DLG2: variants seen among roughly 807,000 people sequenced by gnomAD.
DLG2 encodes the protein discs large MAGUK scaffold protein 2.
A neutral mutation model predicts 132.5 loss-of-function variants in DLG2; 45 were observed. The observed-to-expected ratio is 0.34, with a 90% confidence interval of 0.27 to 0.44. The LOEUF (loss-of-function observed/expected upper bound fraction) is 0.44. Ranked by LOEUF, DLG2 falls within the 20% of genes least tolerant of loss-of-function variation. DLG2 has a pLI of 1.00. For missense variants in DLG2, 1,045 were observed against 1,196.9 expected (o/e 0.87, Z 1.87); for synonymous variants, 424 against 419.6 (o/e 1.01, Z -0.13).
intron 6 of DLG2, among the ~76,000 whole-genome samples, chr11:84,666,575 C>T (rs2099699978): frequency 6.6e-6 from 1 of 152,044 alleles, no homozygotes; most frequent in South Asian, 2.1e-4. Flanking sequence ...TAGGGACCCT[C>T]TCCTCATCAG....
chr11:84,714,651 C>T (rs529498445), intron 6 of DLG2, among the ~76,000 whole-genome samples: 18 of 140,860 alleles, frequency 1.3e-4, no homozygotes, highest in Admixed American at 4.3e-4. Flanking sequence ...CTCTCTTTCT[C>T]TCTCTCTCTC....
chr11:84,187,755 G>A (rs1450530709), intron 8 of DLG2, among the ~76,000 whole-genome samples: 6 of 152,048 alleles, frequency 3.9e-5, no homozygotes, highest in African/African-American at 1.4e-4. Flanking sequence ...GTATCTGGAT[G>A]AGAGTTAGTG....
At chr11:84,701,308 G>T (rs1237280224) in intron 6 of DLG2, among the ~76,000 whole-genome samples, 1 of 151,508 alleles carries the variant, frequency 6.6e-6, no homozygotes, top group Non-Finnish European at 1.5e-5. Context: ...TCAGGTGACT[G>T]GATAAGTCAC....
At chr11:83,982,661 T>G (rs1169629922) in intron 11 of DLG2, among the ~76,000 whole-genome samples, 1 of 152,116 alleles carries the variant, frequency 6.6e-6, no homozygotes, top group East Asian at 1.9e-4. Context: ...AAAAATAAAC[T>G]TAATCTAGCC....
At chr11:84,443,328 CTCCACCCTA>C (rs772671734) in intron 7 of DLG2, among the ~76,000 whole-genome samples, 15,125 of 152,116 alleles carry the variant, frequency 0.099, 2,166 homozygotes, top group African/African-American at 0.32. Context: ...TAGGTAAAAT[CTCCACCCTA>C]CCTCCTCAAA....
intron 6 of DLG2, among the ~76,000 whole-genome samples, chr11:84,823,298 AATAC>A (rs2077916247): frequency 6.6e-6 from 1 of 151,864 alleles, no homozygotes; most frequent in Non-Finnish European, 1.5e-5. Context: ...ATATTAAAGG[AATAC>A]ATACATTTCT....
intron 6 of DLG2, among the ~76,000 whole-genome samples, chr11:84,910,368 G>T (rs2091942785): frequency 6.6e-6 from 1 of 152,052 alleles, no homozygotes; most frequent in African/African-American, 2.4e-5. Context: ...TTCATTACCT[G>T]AATTTTTTTC....
chr11:85,142,948 G>C (rs1013802134), intron 5 of DLG2, among the ~76,000 whole-genome samples: 1 of 151,664 alleles, frequency 6.6e-6, no homozygotes, highest in African/African-American at 2.4e-5. Flanking sequence ...TATTGAATTT[G>C]GTTTGTGAGT....
At chr11:84,747,174 A>G (rs754923847) in intron 6 of DLG2, among the ~76,000 whole-genome samples, 1 of 152,228 alleles carries the variant, frequency 6.6e-6, no homozygotes, top group Non-Finnish European at 1.5e-5. Context: ...GAGGGGACAA[A>G]TGAATGATGA....
intron 6 of DLG2, among the ~76,000 whole-genome samples, chr11:85,079,941 T>C (rs969983179): frequency 2.6e-5 from 4 of 152,140 alleles, no homozygotes; most frequent in African/African-American, 9.7e-5. Flanking sequence ...ACTAGGTATC[T>C]TGATATCCTC....
intron 6 of DLG2, among the ~76,000 whole-genome samples, chr11:84,675,860 C>T (rs2099710694): frequency 6.6e-6 from 1 of 152,066 alleles, no homozygotes; most frequent in Non-Finnish European, 1.5e-5. Context: ...GATTTATGCA[C>T]AGGGACTCTG....
rs567161237 is a variant in DLG2, at chr11:83,600,187, T to A, written c.1940+33024A>T. 2.3e-4 allele frequency among the ~76,000 whole-genome samples: 35 copies of A among 152,028 alleles called. 2 individuals are homozygous for A. In the South Asian group the frequency reaches 7.1e-3, roughly 31 times the overall value. Reference sequence around the variant, plus strand: ...AGAGAGATTATTCACACACACATCCTATTTTTTTCAAAGATGAGGAAAAGA... The same window carrying A: ...AGAGAGATTATTCACACACACATCCAATTTTTTTCAAAGATGAGGAAAAGA... On this transcript the variant is annotated intron_variant, in intron 19 of 27. Coordinates refer to ENST00000376104, the MANE Select transcript of DLG2 (RefSeq NM_001142699.3).
chr11:85,240,184 G>A (rs2075806730), intron 4 of DLG2, among the ~76,000 whole-genome samples: 4 of 151,616 alleles, frequency 2.6e-5, no homozygotes, highest in Admixed American at 2.6e-4. Flanking sequence ...GGCTACTTAT[G>A]TTTCCTCATC....
chr11:84,184,272 C>T (rs948078810), intron 8 of DLG2, among the ~76,000 whole-genome samples: 3 of 151,524 alleles, frequency 2.0e-5, no homozygotes, highest in Non-Finnish European at 3.0e-5. Context: ...GCCATTCTAA[C>T]TGGTGTGAGA....
intron 6 of DLG2, among the ~76,000 whole-genome samples, chr11:84,862,353 T>C (rs1199726274): frequency 6.6e-6 from 1 of 151,920 alleles, no homozygotes; most frequent in Non-Finnish European, 1.5e-5. Context: ...GAAATAGGAA[T>C]GCTTTTACAC....
chr11:84,241,655 G>GT (rs1351352715), intron 8 of DLG2, among the ~76,000 whole-genome samples: 1 of 151,770 alleles, frequency 6.6e-6, no homozygotes, highest in Non-Finnish European at 1.5e-5. Flanking sequence ...CTAAATGTCT[G>GT]ATCATTGTGC....
intron 17 of DLG2, among the ~76,000 whole-genome samples, chr11:83,809,474 C>T (rs1204888802): frequency 1.3e-5 from 2 of 152,174 alleles, no homozygotes; most frequent in Non-Finnish European, 2.9e-5. Context: ...TCAAAATCCA[C>T]TTGTTCCTGT....
chr11:83,719,668 T>C (rs1199350070), intron 18 of DLG2, among the ~76,000 whole-genome samples: 1 of 152,208 alleles, frequency 6.6e-6, no homozygotes, highest in African/African-American at 2.4e-5. Context: ...AATCTATTCA[T>C]GAGGGATCTG....
Position 84,372,129 on chromosome 11 carries a change from A to G in DLG2, c.520-120838T>C, listed in dbSNP as rs80029888. ...AAACAGTATAAAACTTACGACTTAC[A>G]TTTAGATTCATATTGTACATAGGTG... is the stretch of plus-strand genomic sequence containing the variant. On this transcript the variant is annotated intron_variant, in intron 7 of 27. Coordinates refer to ENST00000376104, the MANE Select transcript of DLG2 (RefSeq NM_001142699.3). 9.2e-5 allele frequency among the ~76,000 whole-genome samples: 14 copies of G among 152,342 alleles called. No homozygotes were observed. In the East Asian group the frequency reaches 2.7e-3, roughly 29 times the overall value.
Sources: gnomAD v4.1 joint callset for allele counts (sites outside exome capture counted in the v4.1 genomes callset) on GRCh38, gnomAD v4.1.1 for gene constraint, MANE v1.5 for transcripts, NCBI Gene and HGNC (gene_info 2026-07-23, HGNC 2026-07-21) for gene names.